Variants in LEF1 observed in about 807,000 individuals in gnomAD.
The protein encoded by LEF1 is lymphoid enhancer binding factor 1.
A neutral mutation model predicts 51.2 loss-of-function variants in LEF1; 14 were observed. That is an observed-to-expected ratio of 0.27 (90% CI 0.18 to 0.43). The LOEUF (loss-of-function observed/expected upper bound fraction) is 0.43. Ranked by LOEUF, LEF1 falls within the 20% of genes least tolerant of loss-of-function variation. LEF1 has a pLI of 1.00. For missense variants in LEF1, 386 were observed against 512.0 expected, an observed-to-expected ratio of 0.75 and a Z score of 2.37; for synonymous variants, 185 against 183.2, an observed-to-expected ratio of 1.01 and a Z score of -0.08.
At chr4:108,166,758 T>G (rs1745424628) in intron 1 of LEF1, 1 of 988,082 alleles carries the variant, frequency 1.0e-6, no homozygotes, top group African/African-American at 1.7e-5. Context: ...TTCTTCTGCG[T>G]AGATTTAAGG....
chr4:108,089,375 C>G (rs936918594), intron 3 of LEF1, 118 bp from the exon 4 acceptor site: 1 of 1,045,826 alleles, frequency 9.6e-7, no homozygotes, highest in East Asian at 2.5e-5. Context: ...CAAGAATCAC[C>G]TTCAGACCTG....
intron 3 of LEF1, among the ~76,000 whole-genome samples, chr4:108,133,947 T>C (rs925370197): frequency 9.2e-5 from 14 of 152,200 alleles, no homozygotes; most frequent in African/African-American, 3.4e-4. Flanking sequence ...TCTGAAATCC[T>C]TGGGGCTGCA....
intron 3 of LEF1, among the ~76,000 whole-genome samples, chr4:108,130,865 T>C (rs141176233): frequency 9.2e-4 from 140 of 152,284 alleles, no homozygotes; most frequent in East Asian, 5.0e-3. Context: ...TAATGAGGCA[T>C]ACAAAATTTT....
chr4:108,099,484 GTCTATACACA>G (rs1407591432), intron 3 of LEF1, among the ~76,000 whole-genome samples: 2 of 147,086 alleles, frequency 1.4e-5, no homozygotes, highest in Non-Finnish European at 3.0e-5. Flanking sequence ...TGAGAGTCAA[GTCTATACACA>G]TGTATGTATA....
intron 3 of LEF1, among the ~76,000 whole-genome samples, chr4:108,135,676 G>A (rs1426163051): frequency 6.6e-6 from 1 of 152,198 alleles, no homozygotes; most frequent in East Asian, 1.9e-4. Context: ...GTGGGAACTG[G>A]GGGTAAGGAA....
At position 108,081,488 on chromosome 4, in the gene LEF1, A is replaced by T; in HGVS notation, c.722+98T>A. The stretch of plus-strand genomic sequence containing the variant: ...AGACAGACACATGGCTGAGGTATGC[A>T]CCCTCCTAGCCAACCAAAAGGCAAG... On this transcript the variant is annotated intron_variant, in intron 6 of 11. Coordinates refer to ENST00000265165, the MANE Select transcript of LEF1 (RefSeq NM_016269.5). The T allele has an allele frequency of 3.3e-6, 3 of 896,532 alleles. No homozygotes were observed. In the Admixed American group the frequency reaches 5.7e-5, roughly 17 times the overall value. The allele number at this position is 896,532 out of a possible 1,614,324, so 55.5% of individuals were successfully genotyped here. A position where few individuals can be genotyped will look rare whatever the true frequency, so the allele number is the denominator to read the frequency against.
At chr4:108,088,396 G>A (rs979508266) in intron 4 of LEF1, among the ~76,000 whole-genome samples, 9 of 152,284 alleles carry the variant, frequency 5.9e-5, no homozygotes, top group Middle Eastern at 3.4e-3. Flanking sequence ...AAAGAGGAAC[G>A]AGCCACCCTG....
intron 3 of LEF1, among the ~76,000 whole-genome samples, chr4:108,111,117 A>G (rs1035902735): frequency 3.9e-5 from 6 of 152,232 alleles, no homozygotes; most frequent in African/African-American, 1.4e-4. Flanking sequence ...AAATGAAAGA[A>G]CACATAATGA....
intron 3 of LEF1, among the ~76,000 whole-genome samples, chr4:108,107,493 A>T (rs1741243596): frequency 7.6e-6 from 1 of 131,588 alleles, no homozygotes; most frequent in East Asian, 2.0e-4. Context: ...ACAATCAGGG[A>T]AAAGGCTTAT....
At chr4:108,061,843 T>C (rs1034385167) in intron 11 of LEF1, among the ~76,000 whole-genome samples, 2 of 152,182 alleles carry the variant, frequency 1.3e-5, no homozygotes, top group Non-Finnish European at 2.9e-5. Context: ...TGATCTTATA[T>C]GAAGGGATGG....
Position 108,167,975 on chromosome 4 carries a change from C to G in LEF1, c.-208G>C. Reference sequence around the variant, plus strand: ...GGCGCCCGAATCCCGGCGGCCGCCGCGCTTTCCCGCTTCGCGGAGACCGAC... The same window carrying G: ...GGCGCCCGAATCCCGGCGGCCGCCGGGCTTTCCCGCTTCGCGGAGACCGAC... On this transcript the variant is annotated 5_prime_UTR_variant, in exon 1 of 12. Transcript: ENST00000265165. The surrounding 1 kb of genome is among the most constrained non-coding windows in gnomAD (Gnocchi z 5.7). 4.1e-6 allele frequency: 1 copy of G among 245,072 alleles called. No homozygotes were observed. The highest frequency in any genetic ancestry group is 7.6e-6 in the Non-Finnish European group (1 of 130,962). The allele number at this position is 245,072 out of a possible 1,614,324, so 15.2% of individuals were successfully genotyped here.
chr4:108,066,696 G>A (rs1277355188), intron 9 of LEF1, among the ~76,000 whole-genome samples: 1 of 152,154 alleles, frequency 6.6e-6, no homozygotes, highest in African/African-American at 2.4e-5. Flanking sequence ...AAGTAGTTTG[G>A]ATGTATTAAT....
intron 9 of LEF1, among the ~76,000 whole-genome samples, chr4:108,068,604 A>G (rs529598551): frequency 3.9e-5 from 6 of 152,374 alleles, no homozygotes; most frequent in South Asian, 2.1e-4. Flanking sequence ...GCTGTTTCCC[A>G]TAAGTAACAG....
intron 3 of LEF1, among the ~76,000 whole-genome samples, chr4:108,153,773 T>C (rs955111000): frequency 1.3e-5 from 2 of 152,302 alleles, no homozygotes; most frequent in East Asian, 3.9e-4. Flanking sequence ...AATCTAAATG[T>C]CTACCAATAA....
intron 3 of LEF1, among the ~76,000 whole-genome samples, chr4:108,107,175 A>T (rs1281905337): frequency 6.6e-6 from 1 of 152,174 alleles, no homozygotes; most frequent in Non-Finnish European, 1.5e-5. Flanking sequence ...CTGCACGAAT[A>T]TATGGACCCA....
In LEF1 at chr4:108,167,466, G is replaced by A; in HGVS notation, c.213+89C>T. 7.5e-7 allele frequency: 1 copy of A among 1,334,880 alleles called. No individual in the cohort carries two copies. Among genetic ancestry groups the A allele is most frequent in the East Asian group, 2.3e-5 (1 of 43,500 alleles). 82.7% of individuals were successfully genotyped at this position (1,334,880 alleles called of 1,614,324 possible). On this transcript the variant is annotated intron_variant, in intron 1 of 11. Coordinates refer to ENST00000265165, the MANE Select transcript of LEF1 (RefSeq NM_016269.5). This position sits in a 1 kb window ranked among gnomAD's most constrained non-coding sequence, Gnocchi z 5.7. ...GGATCTACTCGGGACCCTCAGCCGGGCGGCCGGGCGCCTTCGTTCCCTTCC... is the reference window on the plus strand; with the variant it reads ...GGATCTACTCGGGACCCTCAGCCGGACGGCCGGGCGCCTTCGTTCCCTTCC...
chr4:108,099,588 A>ATATGTG lies in LEF1; in HGVS notation c.415-10332_415-10331insCACATA, dbSNP rs1553953102. 3.3e-3 allele frequency among the ~76,000 whole-genome samples: 198 copies of ATATGTG among 60,376 alleles called. 3 individuals are homozygous for ATATGTG. The highest frequency in any genetic ancestry group is 0.011 in the Middle Eastern group (1 of 94). 39.6% of individuals were successfully genotyped at this position (60,376 alleles called of 152,430 possible). A position where few individuals can be genotyped will look rare whatever the true frequency, so the allele number is the denominator to read the frequency against. The stretch of plus-strand genomic sequence containing the variant: ...TGTGTGTGTATATATATATATATAT[A>ATATGTG]TATATATATATATATATATATATAT... On this transcript the variant is annotated intron_variant, in intron 3 of 11. Transcript: ENST00000265165.
chr4:108,051,491 T>A (rs944870495), intron 11 of LEF1, among the ~76,000 whole-genome samples: 1 of 152,176 alleles, frequency 6.6e-6, no homozygotes, highest in African/African-American at 2.4e-5. Flanking sequence ...CATCTAAGGC[T>A]TCACTGGGGG....
chr4:108,116,568 C>T (rs1165632594), intron 3 of LEF1, among the ~76,000 whole-genome samples: 1 of 152,172 alleles, frequency 6.6e-6, no homozygotes, highest in Non-Finnish European at 1.5e-5. Flanking sequence ...TTCTGAACCA[C>T]ACTAGAGTAC....
Sources: allele counts gnomAD v4.1 joint callset (sites outside exome capture counted in the v4.1 genomes callset), GRCh38; gene constraint gnomAD v4.1.1; non-coding constraint Gnocchi (gnomAD v3.1); transcripts MANE v1.5; gene names NCBI Gene and HGNC (gene_info 2026-07-23, HGNC 2026-07-21).